Variants in UCP2 observed in about 807,000 individuals in gnomAD.
UCP2 encodes the protein dicarboxylate carrier SLC25A8.
Under a neutral mutation model 31.3 loss-of-function variants are expected in UCP2, and 27 were observed. The observed-to-expected ratio is 0.86, with a 90% CI of 0.64 to 1.19. The LOEUF (loss-of-function observed/expected upper bound fraction) is 1.19, where lower values mean the gene tolerates loss of function less well. Ranked by LOEUF, UCP2 falls within the 50% of genes most tolerant of loss-of-function variation. The pLI, the probability that UCP2 is intolerant of heterozygous loss-of-function variation, is 0.00. For missense variants in UCP2, 377 were observed against 413.5 expected (o/e 0.91, Z 0.76); for synonymous variants, 142 against 157.4 (o/e 0.90, Z 0.73).
intron 2 of UCP2, chr11:73,980,861 G>A (rs772220254): frequency 6.6e-6 from 1 of 152,262 alleles, no homozygotes; most frequent in Non-Finnish European, 1.5e-5. Context: ...GATGACATGA[G>A]TCTGTCACAT....
Position 73,977,971 on chromosome 11 carries a change from G to T in UCP2, c.252C>A (p.Ala84=), listed in dbSNP as rs749932912. The change falls in exon 4 of 8, where the codon GCC becomes GCA. Residue 84 remains alanine, a synonymous_variant. Transcript: ENST00000663595. ...GPRSLYNGLV[A]GLQRQMSFAS... is the part of the protein sequence containing the mutation. The stretch of plus-strand genomic sequence containing the variant: ...CAAAGCTCATTTGGCGCTGCAGGCC[G>T]GCAACCAGCCCATTGTAGAGGCTTC... The T allele has an allele frequency of 1.2e-6, 2 of 1,614,230 alleles. No homozygotes were observed. The highest frequency in any genetic ancestry group is 2.2e-5 in the South Asian group (2 of 91,090).
chr11:73,976,528 G>T (rs1951347787), intron 6 of UCP2, 113 bp downstream of exon 6: 1 of 884,496 alleles, frequency 1.1e-6, no homozygotes, highest in Non-Finnish European at 1.8e-6. Flanking sequence ...TACTCTCCCT[G>T]CAAAGGGCAA....
At position 73,974,804 on chromosome 11, in the gene UCP2, C is replaced by A; in HGVS notation, c.*203G>T. 1 of 361,752 alleles carries A rather than the reference C, an allele frequency of 2.8e-6. No homozygotes were observed. The highest frequency in any genetic ancestry group is 5.3e-6 in the Non-Finnish European group (1 of 190,432). The allele number at this position is 361,752 out of a possible 1,614,324, so 22.4% of individuals were successfully genotyped here. Reference sequence around the variant, plus strand: ...GCTGGTACGAGGCCTCCCACACTGTCAAATGTCAACTCCACCAGCACTGAG... The same window carrying A: ...GCTGGTACGAGGCCTCCCACACTGTAAAATGTCAACTCCACCAGCACTGAG... On this transcript the variant is annotated 3_prime_UTR_variant, in exon 8 of 8. Transcript: ENST00000663595.
At chr11:73,976,316 A>G (rs562656866) in intron 6 of UCP2, among the ~76,000 whole-genome samples, 1 of 152,018 alleles carries the variant, frequency 6.6e-6, no homozygotes, top group Admixed American at 6.5e-5. Flanking sequence ...GTGAGCTGAG[A>G]TTACACGGGT....
Position 73,974,904 on chromosome 11 carries a change from G to T in UCP2, c.*103C>A. The T allele has an allele frequency of 1.0e-6, 1 of 968,558 alleles. No individual in the cohort carries two copies. Among genetic ancestry groups the T allele is most frequent in the Non-Finnish European group, 1.6e-6 (1 of 617,470 alleles). The allele number at this position is 968,558 out of a possible 1,614,324, so 60.0% of individuals were successfully genotyped here. A position where few individuals can be genotyped will look rare whatever the true frequency, so the allele number is the denominator to read the frequency against. On this transcript the variant is annotated 3_prime_UTR_variant, in exon 8 of 8. Transcript: ENST00000663595. ...GCGGAAGGAAGAGGTGGGGAAAGAG[G>T]GAAGGAGAGAAGGGAAGGAGGGAAG...
chr11:73,978,473 G>T lies in UCP2; in HGVS notation c.-95C>A. 6.4e-7 allele frequency: 1 copy of T among 1,559,166 alleles called. No homozygotes were observed. Among genetic ancestry groups the T allele is most frequent in the Middle Eastern group, 2.1e-4 (1 of 4,664 alleles). ...CAAGACGAGATAGAGGAACTCTGCC[G>T]GAATCTAAGCCAAGAGGAGAAAAGC... On this transcript the variant is annotated 5_prime_UTR_variant, in exon 3 of 8. Transcript: ENST00000663595.
At chr11:73,980,578 AACGCCC>A (rs1951435128) in intron 2 of UCP2, 1 of 152,178 alleles carries the variant, frequency 6.6e-6, no homozygotes, top group Non-Finnish European at 1.5e-5. Context: ...TCCCCACCCC[AACGCCC>A]AGGGCACTGT....
At chr11:73,977,758 C>T (rs1951377756) in intron 4 of UCP2, 128 bp downstream of exon 4, 1 of 1,280,142 alleles carries the variant, frequency 7.8e-7, no homozygotes, top group Non-Finnish European at 1.1e-6. Context: ...AGGGCCCCTT[C>T]CAGTTCTCTG....
At position 73,975,532 on chromosome 11, in the gene UCP2, A is replaced by G. The variant is rs1189762456; in HGVS notation, c.774T>C (p.Leu258=). Reference sequence around the variant, plus strand: ...GGGGCCCCTCCTTCTGGAGCATGGTAAGGGCACAGTGGCCAGCGCTACTGT... The same window carrying G: ...GGGGCCCCTCCTTCTGGAGCATGGTGAGGGCACAGTGGCCAGCGCTACTGT... ...GQYSSAGHCA[L]TMLQKEGPRA... Residue 258 remains leucine (L), a synonymous_variant, in exon 7 of 8, where the codon CTT becomes CTC. Coordinates refer to ENST00000663595, the MANE Select transcript of UCP2 (RefSeq NM_003355.3). 6.2e-7 allele frequency: 1 copy of G among 1,613,110 alleles called. No individual in the cohort carries two copies. Among genetic ancestry groups the G allele is most frequent in the East Asian group, 2.2e-5 (1 of 44,858 alleles).
intron 3 of UCP2, 74 bp downstream of exon 3, chr11:73,978,178 GC>G: frequency 5.0e-6 from 8 of 1,613,738 alleles, no homozygotes; most frequent in Non-Finnish European, 5.9e-6. Context: ...CCAAACACTG[GC>G]CCTTGAGGGG....
intron 2 of UCP2, chr11:73,980,828 C>T (rs754364632): frequency 6.6e-6 from 1 of 152,204 alleles, no homozygotes; most frequent in Non-Finnish European, 1.5e-5. Context: ...AAATGGTATC[C>T]CTTCTCTGGG....
At chr11:73,982,439 G>A (rs1336470832) in intron 1 of UCP2, among the ~76,000 whole-genome samples, 1 of 152,122 alleles carries the variant, frequency 6.6e-6, no homozygotes, top group African/African-American at 2.4e-5. Flanking sequence ...ACAAAAATTA[G>A]CCAGGCGTGG....
intron 1 of UCP2, among the ~76,000 whole-genome samples, chr11:73,981,983 G>T (rs1951464020): frequency 6.6e-6 from 1 of 152,182 alleles, no homozygotes; most frequent in Non-Finnish European, 1.5e-5. Flanking sequence ...GTCCCAGGTC[G>T]GGCTGTGAGG....
Position 73,974,980 on chromosome 11 carries a change from G to A in UCP2, c.*27C>T, listed in dbSNP as rs184147582. 149 of 1,587,088 alleles carry A rather than the reference G, an allele frequency of 9.4e-5. 2 individuals carry two copies. In the African/African-American group the frequency reaches 1.6e-3, roughly 17 times the overall value. The stretch of plus-strand genomic sequence containing the variant: ...TGGCCCGGCTAGAGACAAAGCCAGA[G>A]GTGATCAGGTCAGCAGCAGGAGAGG... On this transcript the variant is annotated 3_prime_UTR_variant, in exon 8 of 8. Coordinates refer to ENST00000663595, the MANE Select transcript of UCP2 (RefSeq NM_003355.3).
rs1227964597 is a variant in UCP2 at position 73,977,874 on chromosome 11, C to A, written c.337+12G>T. 1 of 1,614,212 alleles carries A rather than the reference C, an allele frequency of 6.2e-7. No homozygotes were observed. The highest frequency in any genetic ancestry group is 2.2e-5 in the East Asian group (1 of 44,888). ...AAGGGCCAAGGGGCCTACACCCTTG[C>A]TCCATACTCACGCTCAGAGCCCTTG... On this transcript the variant is annotated intron_variant, in intron 4 of 7. Transcript: ENST00000663595.
At position 73,975,033 on chromosome 11, in the gene UCP2, A is replaced by G; in HGVS notation, c.904T>C (p.Cys302Arg). 1 of 1,613,138 alleles carries G rather than the reference A, an allele frequency of 6.2e-7. No individual in the cohort carries two copies. Among genetic ancestry groups the G allele is most frequent in the Middle Eastern group, 1.6e-4 (1 of 6,062 alleles). The change falls in exon 8 of 8, where the codon TGC becomes CGC. Residue 302 changes from cysteine (C) to arginine (R), a missense_variant. Transcript: ENST00000663595. ...CAGAAGGGAGCCTCTCGGGAAGTGC[A>G]GGCAGCCATGAGGGCTCGTTTCAGC... ...EQLKRALMAACTSREAPF is the reference protein window; with the variant it reads ...EQLKRALMAARTSREAPF
At chr11:73,980,690 T>G (rs1951437257) in intron 2 of UCP2, 1 of 152,222 alleles carries the variant, frequency 6.6e-6, no homozygotes, top group Non-Finnish European at 1.5e-5. Context: ...AAGCTGGTAG[T>G]ATTTGCTTTG....
At chr11:73,976,545 T>G in intron 6 of UCP2, 96 bp downstream of exon 6, 1 of 987,614 alleles carries the variant, frequency 1.0e-6, no homozygotes, top group Non-Finnish European at 1.6e-6. Context: ...GCAAATAGGA[T>G]GAAAAGATGT....
chr11:73,978,335 A>C lies in UCP2; in HGVS notation c.44T>G (p.Val15Gly). The C allele has an allele frequency of 6.2e-7, 1 of 1,614,204 alleles. No homozygotes were observed. The highest frequency in any genetic ancestry group is 1.1e-5 in the South Asian group (1 of 91,088). The change falls in exon 3 of 8, where the codon GTG becomes GGG. Residue 15 changes from valine to glycine, a missense_variant. Coordinates refer to ENST00000663595, the MANE Select transcript of UCP2 (RefSeq NM_003355.3). The part of the protein sequence containing the change: ...KATDVPPTAT[V>G]KFLGAGTAAC... ...AGCTGTGCCAGCCCCAAGAAACTTC[A>C]CAGTGGCAGTAGGGGGCACATCTGT...
Sources: allele counts gnomAD v4.1 joint callset (sites outside exome capture counted in the v4.1 genomes callset), GRCh38; gene constraint gnomAD v4.1.1; transcripts MANE v1.5; gene names NCBI Gene and HGNC (gene_info 2026-07-23, HGNC 2026-07-21).